The following AAK1 variants were observed in gnomAD, a reference collection of about 807,000 sequenced individuals.
The protein encoded by AAK1 is AP2-associated protein kinase 1.
In AAK1, 37 loss-of-function variants were observed where a neutral mutation model predicts 116.0. The ratio of observed to expected loss-of-function variants is 0.32; its 90% CI spans 0.25 to 0.42. AAK1 has a LOEUF of 0.42. AAK1 is among the 10% of genes least tolerant of loss of function. The pLI is 1.00. For synonymous variants in AAK1, 458 were observed against 439.9 expected (o/e 1.04, Z -0.51); for missense variants, 919 against 1,170.6 (o/e 0.79, Z 3.14).
chr2:69,480,348 T>C (rs1196358804), intron 19 of AAK1, among the ~76,000 whole-genome samples: 2 of 151,538 alleles, frequency 1.3e-5, no homozygotes, highest in Admixed American at 1.3e-4. Flanking sequence ...GAAATTAGGG[T>C]ACAAGTAATA....
At chr2:69,527,031 A>C (rs1237973929) in intron 9 of AAK1, among the ~76,000 whole-genome samples, 185 bp downstream of exon 9, 2 of 152,190 alleles carry the variant, frequency 1.3e-5, no homozygotes, top group African/African-American at 2.4e-5. Flanking sequence ...CAGTTTTATA[A>C]TTAAATTCCA....
At chr2:69,532,580 T>C (rs1670301081) in intron 5 of AAK1, among the ~76,000 whole-genome samples, 1 of 152,188 alleles carries the variant, frequency 6.6e-6, no homozygotes, top group African/African-American at 2.4e-5. Context: ...CCAGTTCAAA[T>C]GCCATGTCCT....
Position 69,520,985 on chromosome 2 carries a change from C to G in AAK1, c.1059G>C (p.Leu353=). ...AAKKTQPKAR[L]TDPIPTTETS... is the part of the protein sequence containing the mutation. The stretch of plus-strand genomic sequence containing the variant: ...TCTCTGTGGTGGGAATGGGATCTGT[C>G]AGTCTAGAAAGGGAAAAGAGAAAGG... Residue 353 remains leucine, a synonymous_variant, in exon 11 of 22, where the codon CTG becomes CTC. Transcript: ENST00000409085. 1 of 1,613,790 alleles carries G rather than the reference C, an allele frequency of 6.2e-7. No homozygotes were observed. The highest frequency in any genetic ancestry group is 1.1e-5 in the South Asian group (1 of 91,070).
chr2:69,551,284 G>C (rs113978600), intron 3 of AAK1, among the ~76,000 whole-genome samples: 293 of 152,264 alleles, frequency 1.9e-3, no homozygotes, highest in African/African-American at 6.3e-3. Context: ...ATAGCTAATG[G>C]ATGCTGGGCT....
At position 69,531,451 on chromosome 2, in the gene AAK1, A is replaced by T. The variant is rs115540074; in HGVS notation, c.656+590T>A. On this transcript the variant is annotated intron_variant, in intron 6 of 21. Coordinates refer to ENST00000409085, the MANE Select transcript of AAK1 (RefSeq NM_014911.5). ...CTAGACTGTTGACTTATTAGTAGTA[A>T]TAGCGAGTGCTGTTGCCTGTAAAAA... The T allele has an allele frequency of 1.7e-3, 499 of 291,796 alleles. 1 individual carries two copies. The highest frequency in any genetic ancestry group is 8.5e-3 in the African/African-American group (373 of 43,974). The allele number at this position is 291,796 out of a possible 1,614,324, so 18.1% of individuals were successfully genotyped here.
In AAK1 at chr2:69,556,893, A is replaced by G; in HGVS notation, c.249T>C (p.Asp83=). The G allele has an allele frequency of 4.3e-6, 7 of 1,613,912 alleles. No homozygotes were observed. The highest frequency in any genetic ancestry group is 5.9e-6 in the Non-Finnish European group (7 of 1,179,834). ...GGATTTCTCTCTTGCACACCTGGAG[A>G]TCATGCTCATTGTTGACAAACATGC... is the stretch of plus-strand genomic sequence containing the variant. ...LKRMFVNNEH[D]LQVCKREIQI... The change falls in exon 3 of 22, where the codon GAT becomes GAC. Residue 83 remains aspartate, a synonymous_variant. Transcript: ENST00000409085.
At chr2:69,560,587 A>G (rs1160466238) in intron 2 of AAK1, among the ~76,000 whole-genome samples, 1 of 152,256 alleles carries the variant, frequency 6.6e-6, no homozygotes, top group African/African-American at 2.4e-5. Flanking sequence ...TGAAGCAAGC[A>G]AGTGAAGTAG....
chr2:69,609,844 T>TCGAGAC (rs1336715280), intron 2 of AAK1, among the ~76,000 whole-genome samples: 2 of 151,786 alleles, frequency 1.3e-5, no homozygotes, highest in African/African-American at 4.8e-5. Context: ...GGTCAGGAGA[T>TCGAGAC]CGAGACCATC....
chr2:69,502,781 T>TA (rs998261970), intron 16 of AAK1, among the ~76,000 whole-genome samples: 4 of 152,158 alleles, frequency 2.6e-5, no homozygotes, highest in African/African-American at 4.8e-5. Flanking sequence ...AAAATATGTA[T>TA]AAAAAACCTT....
At chr2:69,604,771 C>A (rs556603499) in intron 2 of AAK1, among the ~76,000 whole-genome samples, 1 of 152,088 alleles carries the variant, frequency 6.6e-6, no homozygotes, top group Non-Finnish European at 1.5e-5. Context: ...CTGCTTCTCC[C>A]GGGTGCCACA....
intron 2 of AAK1, among the ~76,000 whole-genome samples, chr2:69,581,986 A>C (rs1342483628): frequency 2.0e-5 from 3 of 152,184 alleles, no homozygotes; most frequent in Admixed American, 2.0e-4. Flanking sequence ...CTTTAAAAAA[A>C]AAAAAGTGCA....
intron 17 of AAK1, among the ~76,000 whole-genome samples, chr2:69,484,836 T>C (rs1015330818): frequency 4.7e-5 from 7 of 150,462 alleles, no homozygotes; most frequent in African/African-American, 1.7e-4. Flanking sequence ...GATCATGCCA[T>C]TGCACTCCAG....
chr2:69,630,973 G>A (rs1365322091), intron 2 of AAK1, among the ~76,000 whole-genome samples: 1 of 152,216 alleles, frequency 6.6e-6, no homozygotes, highest in Admixed American at 6.5e-5. Flanking sequence ...TGTGGAACAG[G>A]GGTGGGCTAT....
intron 5 of AAK1, among the ~76,000 whole-genome samples, chr2:69,541,227 CTTTTTTT>C (rs545915571): frequency 4.0e-5 from 5 of 125,296 alleles, no homozygotes; most frequent in African/African-American, 1.2e-4. Flanking sequence ...TTTTATACTT[CTTTTTTT>C]TTTTTTTTTT....
intron 18 of AAK1, 127 bp downstream of exon 18, chr2:69,482,584 G>T (rs1316692682): frequency 1.3e-6 from 1 of 786,330 alleles, no homozygotes; most frequent in African/African-American, 1.7e-5. Context: ...ATACAAGTGA[G>T]ATTAAATAGC....
Position 69,471,058 on chromosome 2 carries a change from C to T in AAK1, c.*4811G>A, listed in dbSNP as rs1244935573. ...CTGCATAAGATATCTTCATGTACAA[C>T]TGTATGCTTTGTCTTCTTGGGAAGG... On this transcript the variant is annotated 3_prime_UTR_variant, in exon 22 of 22. Coordinates refer to ENST00000409085, the MANE Select transcript of AAK1 (RefSeq NM_014911.5). 1.0e-6 allele frequency: 1 copy of T among 985,646 alleles called. No homozygotes were observed. Among genetic ancestry groups the T allele is most frequent in the East Asian group, 1.1e-4 (1 of 8,822 alleles). 61.1% of individuals were successfully genotyped at this position (985,646 alleles called of 1,614,324 possible).
intron 10 of AAK1, 79 bp from the exon 11 acceptor site, chr2:69,521,067 G>T: frequency 6.7e-7 from 1 of 1,485,508 alleles, no homozygotes; most frequent in Non-Finnish European, 9.3e-7. Context: ...CAATGCTTCC[G>T]CTTCCACATC....
chr2:69,491,203 G>A (rs548611155), intron 17 of AAK1, among the ~76,000 whole-genome samples: 5 of 152,016 alleles, frequency 3.3e-5, no homozygotes, highest in South Asian at 4.2e-4. Flanking sequence ...CCTTGGCCCC[G>A]CAAAGTGCTG....
rs780134666 is a variant in AAK1, at chr2:69,544,513, C to T, written c.314G>A (p.Gly105Asp). 8 of 1,613,584 alleles carry T rather than the reference C, an allele frequency of 5.0e-6. No homozygotes were observed. Among genetic ancestry groups the T allele is most frequent in the African/African-American group, 1.3e-5 (1 of 74,900 alleles). Reference protein sequence around the residue: ...RDLSGHKNIVGYIDSSINNVS... With the variant: ...RDLSGHKNIVDYIDSSINNVS... ...GTTGTTGATACTAGAATCAATGTAA[C>T]CCACAATATTCTTGTGCCCTGAAAG... is the stretch of plus-strand genomic sequence containing the variant. Residue 105 changes from glycine to aspartate, a missense_variant, in exon 4 of 22, where the codon GGT (glycine) becomes GAT (aspartate). Coordinates refer to ENST00000409085, the MANE Select transcript of AAK1 (RefSeq NM_014911.5).
Sources: allele counts gnomAD v4.1 joint callset (sites outside exome capture counted in the v4.1 genomes callset), GRCh38; gene constraint gnomAD v4.1.1; transcripts MANE v1.5; gene names NCBI Gene and HGNC (gene_info 2026-07-23, HGNC 2026-07-21).